TLE3: variants seen among roughly 807,000 people sequenced by gnomAD.
The protein encoded by TLE3 is TLE family member 3, transcriptional corepressor.
In TLE3, 14 loss-of-function variants were observed where a neutral mutation model predicts 93.0. The observed-to-expected ratio is 0.15, with a 90% CI of 0.10 to 0.24. TLE3 has a LOEUF of 0.24. Ranked by LOEUF, TLE3 falls within the 10% of genes least tolerant of loss-of-function variation. TLE3 has a pLI of 1.00. For synonymous variants in TLE3, 451 were observed against 425.0 expected, an observed-to-expected ratio of 1.06 and a Z score of -0.75; for missense variants, 693 against 1,046.6, an observed-to-expected ratio of 0.66 and a Z score of 4.66.
rs746129281 is a variant in TLE3, at chr15:70,052,483, A to G, written c.2016T>C (p.Ala672=). The G allele has an allele frequency of 1.9e-6, 3 of 1,613,826 alleles. No individual in the cohort carries two copies. The highest frequency in any genetic ancestry group is 2.5e-6 in the Non-Finnish European group (3 of 1,179,888). ...LGYCPTGEWL[A]VGMESSNVEV... is the part of the protein sequence containing the mutation. ...CCACGTTGCTGCTCTCCATGCCCAC[A>G]GCCAGCCACTCCCCAGTGGGGCAGT... Residue 672 remains alanine, a synonymous_variant, in exon 18 of 20, where the codon GCT becomes GCC. Coordinates refer to ENST00000451782, the MANE Select transcript of TLE3 (RefSeq NM_001105192.3).
chr15:70,058,882 G>T lies in TLE3; in HGVS notation c.766-67C>A. The T allele has an allele frequency of 9.5e-6, 14 of 1,472,160 alleles. No homozygotes were observed. Among genetic ancestry groups the T allele is most frequent in the Non-Finnish European group, 1.3e-5 (14 of 1,114,632 alleles). 91.2% of individuals were successfully genotyped at this position (1,472,160 alleles called of 1,614,324 possible). A position where few individuals can be genotyped will look rare whatever the true frequency, so the allele number is the denominator to read the frequency against. Reference sequence around the variant, plus strand: ...CCAGCCTCGAGGCTTCCCTGCTCTGGGAGTGGGAAGAGAGAGGGCATGGGC... The same window carrying T: ...CCAGCCTCGAGGCTTCCCTGCTCTGTGAGTGGGAAGAGAGAGGGCATGGGC... On this transcript the variant is annotated intron_variant, in intron 10 of 19. Coordinates refer to ENST00000451782, the MANE Select transcript of TLE3 (RefSeq NM_001105192.3). The surrounding 1 kb of genome is among the most constrained non-coding windows in gnomAD (Gnocchi z 4.1).
intron 4 of TLE3, among the ~76,000 whole-genome samples, chr15:70,087,474 A>G (rs944116741): frequency 8.5e-5 from 13 of 152,260 alleles, no homozygotes; most frequent in Admixed American, 8.5e-4. Context: ...AATATCTGGA[A>G]GATCAAATTT....
intron 15 of TLE3, 162 bp downstream of exon 15, chr15:70,054,887 C>T: frequency 7.9e-7 from 1 of 1,261,720 alleles, no homozygotes; most frequent in Non-Finnish European, 1.1e-6. Flanking sequence ...ATCAGCCCCA[C>T]ACACAGAAGG....
chr15:70,083,567 GC>G (rs965063056), intron 4 of TLE3, among the ~76,000 whole-genome samples: 43 of 59,296 alleles, frequency 7.3e-4, no homozygotes, highest in Admixed American at 2.3e-4. Flanking sequence ...ATAACCCCCT[GC>G]CCCCTCCCCC....
Position 70,055,163 on chromosome 15 carries a change from G to A in TLE3, c.1464C>T (p.Ala488=), listed in dbSNP as rs747498036. 6.2e-6 allele frequency: 10 copies of A among 1,614,172 alleles called. No homozygotes were observed. The highest frequency in any genetic ancestry group is 1.7e-5 in the Admixed American group (1 of 60,026). ...GCCTCGTGGGGTTGCTGATGGTCAC[G>A]GCACACACCACCTCCCCGTGGCTGA... The part of the protein sequence containing the change: ...NTLSHGEVVC[A]VTISNPTRHV... Residue 488 remains alanine (A), a synonymous_variant, in exon 15 of 20, where the codon GCC becomes GCT. Transcript: ENST00000451782.
intron 14 of TLE3, 33 bp downstream of exon 14, chr15:70,056,265 A>ACAAAGCATGCAGTAAGTATAGC: frequency 1.2e-6 from 2 of 1,609,414 alleles, no homozygotes; most frequent in Non-Finnish European, 1.7e-6. Context: ...TGCCCACCCT[A>ACAAAGCATGCAGTAAGTATAGC]CAAAGCATGC....
At chr15:70,075,373 G>A (rs1204376890) in intron 5 of TLE3, among the ~76,000 whole-genome samples, 1 of 152,256 alleles carries the variant, frequency 6.6e-6, no homozygotes, top group Non-Finnish European at 1.5e-5. Flanking sequence ...CCTTGAGGTA[G>A]TACCAGCCAC....
At chr15:70,062,157 T>C (rs935272385) in intron 8 of TLE3, among the ~76,000 whole-genome samples, 3 of 152,176 alleles carry the variant, frequency 2.0e-5, no homozygotes, top group African/African-American at 4.8e-5. Context: ...TTATCAAGCC[T>C]TGAAGAAAAA....
chr15:70,090,350 T>A (rs899426822), intron 4 of TLE3, among the ~76,000 whole-genome samples: 2 of 151,644 alleles, frequency 1.3e-5, no homozygotes, highest in South Asian at 2.1e-4. Flanking sequence ...AAAAAAAAAA[T>A]TTCACAGCTC....
chr15:70,097,350 T>C lies in TLE3; in HGVS notation c.-552A>G, dbSNP rs900311776. The C allele has an allele frequency of 2.0e-5, 8 of 403,888 alleles. No individual in the cohort carries two copies. Among genetic ancestry groups the C allele is most frequent in the African/African-American group, 1.4e-4 (7 of 48,418 alleles). The allele number at this position is 403,888 out of a possible 1,614,324, so 25.0% of individuals were successfully genotyped here. On this transcript the variant is annotated 5_prime_UTR_variant, in exon 1 of 20. Transcript: ENST00000451782. ...GGAGGCGGGCTACGAGGTGGTGGCT[T>C]GGGGCCGCAGGAGCGCCGGAGGGTG...
Position 70,095,563 on chromosome 15 carries a change from G to A in TLE3, c.189+15C>T. On this transcript the variant is annotated intron_variant, in intron 3 of 19. Transcript: ENST00000451782. ...GGCGCCCCAACCGCCCCCCAGGCCC[G>A]CGGCCGCATCTCACCATCACATAAT... 1 of 1,550,096 alleles carries A rather than the reference G, an allele frequency of 6.5e-7. No individual in the cohort carries two copies. Among genetic ancestry groups the A allele is most frequent in the Non-Finnish European group, 8.7e-7 (1 of 1,146,130 alleles).
intron 4 of TLE3, among the ~76,000 whole-genome samples, chr15:70,085,579 A>G (rs2058003840): frequency 6.6e-6 from 1 of 152,216 alleles, no homozygotes; most frequent in African/African-American, 2.4e-5. Context: ...GAATAGTGAG[A>G]AAACCCAAAA....
At chr15:70,052,932 G>A (rs1174386243) in intron 17 of TLE3, 2 of 408,554 alleles carry the variant, frequency 4.9e-6, no homozygotes, top group Non-Finnish European at 8.8e-6. Flanking sequence ...GACCTAGGAG[G>A]GTGCTACTAT....
intron 10 of TLE3, 72 bp downstream of exon 10, chr15:70,059,338 T>C: frequency 6.5e-7 from 1 of 1,527,370 alleles, no homozygotes; most frequent in Non-Finnish European, 8.9e-7. Flanking sequence ...ACAGAATAGA[T>C]CCCACCCTGG....
chr15:70,052,833 A>G, intron 17 of TLE3: 2 of 306,034 alleles, frequency 6.5e-6, no homozygotes, highest in Non-Finnish European at 1.2e-5. Context: ...CAAATAAGAA[A>G]TAATAATCCC....
chr15:70,055,331 C>T, intron 14 of TLE3, 33 bp from the exon 15 acceptor site: 1 of 1,537,348 alleles, frequency 6.5e-7, no homozygotes, highest in Non-Finnish European at 8.7e-7. Flanking sequence ...CTGCTGCCAT[C>T]CACCCCGGCC....
chr15:70,079,109 C>T (rs1298280020), intron 4 of TLE3, among the ~76,000 whole-genome samples: 2 of 152,002 alleles, frequency 1.3e-5, no homozygotes, highest in Non-Finnish European at 2.9e-5. Flanking sequence ...CATCAGGTGA[C>T]CACAGCTGGG....
Position 70,058,066 on chromosome 15 carries a change from A to C in TLE3, c.1051+93T>G. ...CCCTGGGAGACACTGCCTGTGCTCT[A>C]TCCCATGCGTGTGTGTCACCCCTGC... is the stretch of plus-strand genomic sequence containing the variant. On this transcript the variant is annotated intron_variant, in intron 12 of 19. Coordinates refer to ENST00000451782, the MANE Select transcript of TLE3 (RefSeq NM_001105192.3). The surrounding 1 kb of genome is among the most constrained non-coding windows in gnomAD (Gnocchi z 4.1). 3 of 1,577,868 alleles carry C rather than the reference A, an allele frequency of 1.9e-6. No individual in the cohort carries two copies.
In TLE3 at chr15:70,097,449, C is replaced by T. The variant is rs1224468038; in HGVS notation, c.-651G>A. On this transcript the variant is annotated 5_prime_UTR_variant, in exon 1 of 20. Transcript: ENST00000451782. ...GAGCCTGCTGTTCCGTCTGCTACTG[C>T]CGCTGCCGCCGCCGCCGCCGCCGCT... The T allele has an allele frequency of 4.8e-6, 2 of 417,628 alleles. No homozygotes were observed. The highest frequency in any genetic ancestry group is 3.5e-5 in the East Asian group (1 of 28,416). The allele number at this position is 417,628 out of a possible 1,614,324, so 25.9% of individuals were successfully genotyped here. A position where few individuals can be genotyped will look rare whatever the true frequency, so the allele number is the denominator to read the frequency against.
Sources: allele counts gnomAD v4.1 joint callset (sites outside exome capture counted in the v4.1 genomes callset), GRCh38; gene constraint gnomAD v4.1.1; non-coding constraint Gnocchi (gnomAD v3.1); transcripts MANE v1.5; gene names NCBI Gene and HGNC (gene_info 2026-07-23, HGNC 2026-07-21).